Variants in CNTN5 observed in about 807,000 individuals in gnomAD.
CNTN5 encodes the protein contactin-5.
A neutral mutation model predicts 129.1 loss-of-function variants in CNTN5; 77 were observed. The ratio of observed to expected loss-of-function variants is 0.60; its 90% CI spans 0.50 to 0.72. The LOEUF (loss-of-function observed/expected upper bound fraction) is 0.72, where lower values mean the gene tolerates loss of function less well. Among genes scored for constraint, CNTN5 ranks in the 30% least tolerant of loss-of-function variants. CNTN5 has a pLI of 0.00. For missense variants in CNTN5, 1,478 were observed against 1,328.8 expected (o/e 1.11, Z -1.75); for synonymous variants, 509 against 465.6 (o/e 1.09, Z -1.20).
At chr11:99,755,053 T>C (rs990576856) in intron 3 of CNTN5, among the ~76,000 whole-genome samples, 7 of 152,204 alleles carry the variant, frequency 4.6e-5, no homozygotes, top group Non-Finnish European at 8.8e-5. Flanking sequence ...GACTTAGTAA[T>C]ACTCATTTAA....
intron 3 of CNTN5, among the ~76,000 whole-genome samples, chr11:99,584,762 T>C (rs1249312067): frequency 6.6e-6 from 1 of 152,254 alleles, no homozygotes; most frequent in South Asian, 2.1e-4. Context: ...TTTGAGATTG[T>C]GTAGTTGTTT....
rs537815475 is a variant in CNTN5 at position 99,881,062 on chromosome 11, A to G, written c.578-34992A>G. On this transcript the variant is annotated intron_variant, in intron 6 of 24. Transcript: ENST00000524871. ...CTAGTTTCAATTAAAACTGGCAGCA[A>G]TTATTTAGCACACATCTATGATTTA... 2.8e-4 allele frequency among the ~76,000 whole-genome samples: 43 copies of G among 152,332 alleles called. No individual in the cohort carries two copies. The South Asian group carries it at 8.9e-3, about 32-fold the overall frequency.
chr11:99,940,711 A>G (rs1950415707), intron 7 of CNTN5, among the ~76,000 whole-genome samples: 1 of 152,080 alleles, frequency 6.6e-6, no homozygotes, highest in South Asian at 2.1e-4. Flanking sequence ...TTAGCTGAGA[A>G]CTTCATTAGA....
intron 6 of CNTN5, among the ~76,000 whole-genome samples, chr11:99,906,465 C>T (rs1029534096): frequency 3.9e-5 from 6 of 152,200 alleles, no homozygotes; most frequent in African/African-American, 1.4e-4. Context: ...ATATGTTGAA[C>T]CAGCCTTGAA....
At chr11:99,956,737 G>A in intron 7 of CNTN5, 69 bp from the exon 8 acceptor site, 4 of 1,145,142 alleles carry the variant, frequency 3.5e-6, no homozygotes, top group Non-Finnish European at 5.2e-6. Flanking sequence ...TAAAGGCTTT[G>A]TTGTTTGAGC....
chr11:99,147,330 T>G (rs1202174895), intron 1 of CNTN5, among the ~76,000 whole-genome samples: 1 of 152,176 alleles, frequency 6.6e-6, no homozygotes, highest in East Asian at 1.9e-4. Flanking sequence ...TTCTGCTATA[T>G]TTACAATTCT....
chr11:99,736,488 C>G (rs1385019517), intron 3 of CNTN5, among the ~76,000 whole-genome samples: 1 of 152,094 alleles, frequency 6.6e-6, no homozygotes, highest in Non-Finnish European at 1.5e-5. Context: ...GTCAAGGCCT[C>G]AAAATGGGGT....
chr11:99,327,792 A>G (rs941684398), intron 2 of CNTN5, among the ~76,000 whole-genome samples: 2 of 152,182 alleles, frequency 1.3e-5, no homozygotes, highest in African/African-American at 2.4e-5. Context: ...CAACCAACTC[A>G]GTTCCTGCCA....
At chr11:100,307,051 T>G (rs1951366541) in intron 20 of CNTN5, among the ~76,000 whole-genome samples, 1 of 151,674 alleles carries the variant, frequency 6.6e-6, no homozygotes, top group Non-Finnish European at 1.5e-5. Context: ...AGGCTCCTTT[T>G]GCAGTAACAG....
intron 1 of CNTN5, among the ~76,000 whole-genome samples, chr11:99,083,222 G>A (rs900894881): frequency 2.2e-4 from 34 of 151,962 alleles, no homozygotes; most frequent in African/African-American, 8.0e-4. Context: ...GTTAAATTTG[G>A]ATATTCTTCA....
intron 3 of CNTN5, among the ~76,000 whole-genome samples, chr11:99,609,359 C>T (rs1950527952): frequency 6.6e-6 from 1 of 152,142 alleles, no homozygotes; most frequent in African/African-American, 2.4e-5. Flanking sequence ...TTATTCTGAG[C>T]ATCTGACTAA....
At chr11:99,270,639 T>C (rs1426602161) in intron 1 of CNTN5, among the ~76,000 whole-genome samples, 1 of 151,988 alleles carries the variant, frequency 6.6e-6, no homozygotes, top group Non-Finnish European at 1.5e-5. Flanking sequence ...AATGTTTTTC[T>C]ATTAATAAAA....
intron 3 of CNTN5, among the ~76,000 whole-genome samples, chr11:99,587,571 G>C (rs1186785837): frequency 1.3e-5 from 2 of 151,960 alleles, no homozygotes; most frequent in Non-Finnish European, 2.9e-5. Flanking sequence ...TCATATGTGT[G>C]GCTGCATTAG....
chr11:100,233,466 T>A (rs1170275804), intron 16 of CNTN5, among the ~76,000 whole-genome samples: 1 of 152,198 alleles, frequency 6.6e-6, no homozygotes, highest in Non-Finnish European at 1.5e-5. Flanking sequence ...AAGACAGCAC[T>A]TTGTCATTAC....
intron 1 of CNTN5, among the ~76,000 whole-genome samples, chr11:99,276,349 T>C (rs905607979): frequency 1.2e-4 from 18 of 151,726 alleles, no homozygotes; most frequent in African/African-American, 4.1e-4. Flanking sequence ...AACATATTTA[T>C]GTTCTGAAAT....
intron 13 of CNTN5, among the ~76,000 whole-genome samples, chr11:100,100,585 C>G (rs1193202892): frequency 6.6e-6 from 1 of 152,076 alleles, no homozygotes; most frequent in African/African-American, 2.4e-5. Flanking sequence ...CTGTACCTGG[C>G]TCACAGGAGG....
chr11:99,807,329 A>T (rs1052979057), intron 3 of CNTN5, among the ~76,000 whole-genome samples: 1 of 152,198 alleles, frequency 6.6e-6, no homozygotes, highest in East Asian at 1.9e-4. Flanking sequence ...TGATATTCCT[A>T]GGAAATTACA....
intron 21 of CNTN5, among the ~76,000 whole-genome samples, chr11:100,310,834 G>T (rs767160342): frequency 6.6e-6 from 1 of 151,916 alleles, no homozygotes; most frequent in Non-Finnish European, 1.5e-5. Flanking sequence ...GTACTAGCGT[G>T]CTGGACTTCT....
At chr11:99,977,376 C>T (rs978029081) in intron 8 of CNTN5, among the ~76,000 whole-genome samples, 1 of 152,160 alleles carries the variant, frequency 6.6e-6, no homozygotes, top group South Asian at 2.1e-4. Flanking sequence ...GTCACTTCCA[C>T]GTTTTCAGGT....
Sources: allele counts gnomAD v4.1 joint callset (sites outside exome capture counted in the v4.1 genomes callset), GRCh38; gene constraint gnomAD v4.1.1; transcripts MANE v1.5; gene names NCBI Gene and HGNC (gene_info 2026-07-23, HGNC 2026-07-21).